PRKAR1B: variants seen among roughly 807,000 people sequenced by gnomAD.
The protein encoded by PRKAR1B is cAMP-dependent protein kinase type I-beta regulatory subunit.
PRKAR1B carries 22 observed loss-of-function variants against 46.5 expected under a neutral mutation model. That is an observed-to-expected ratio of 0.47 (90% confidence interval 0.34 to 0.68). PRKAR1B has a LOEUF of 0.68. Among genes scored for constraint, PRKAR1B ranks in the 30% least tolerant of loss-of-function variants. PRKAR1B has a pLI of 0.01. For synonymous variants in PRKAR1B, 259 were observed against 217.7 expected (o/e 1.19, Z -1.67); for missense variants, 445 against 535.6 (o/e 0.83, Z 1.67).
In PRKAR1B at chr7:560,715, T is replaced by G. The variant is rs548624318; in HGVS notation, c.892-9245A>C. On this transcript the variant is annotated intron_variant, in intron 9 of 10. Coordinates refer to ENST00000537384, the MANE Select transcript of PRKAR1B (RefSeq NM_001164760.2). The surrounding 1 kb of genome is among the most constrained non-coding windows in gnomAD (Gnocchi z 4.2). ...AGCCTCAGCTGCCTCATCTGTTATA[T>G]GGGACAACGCCAACCAATGCTACAG... is the stretch of plus-strand genomic sequence containing the variant. Among the ~76,000 whole-genome samples the G allele has an allele frequency of 6.6e-6, 1 of 152,324 alleles. No individual in the cohort carries two copies. Among genetic ancestry groups the G allele is most frequent in the East Asian group, 1.9e-4 (1 of 5,184 alleles).
chr7:554,538 A>G (rs1333307587), intron 9 of PRKAR1B, among the ~76,000 whole-genome samples: 2 of 152,218 alleles, frequency 1.3e-5, no homozygotes, highest in Non-Finnish European at 2.9e-5. Flanking sequence ...ATAGCAGAAA[A>G]CCCAAATTGA....
chr7:656,112 G>A (rs573089037), intron 4 of PRKAR1B, among the ~76,000 whole-genome samples: 35 of 152,342 alleles, frequency 2.3e-4, no homozygotes, highest in Admixed American at 1.3e-4. Flanking sequence ...ACTGGGCACA[G>A]AGGAGATCCA....
At chr7:583,485 A>C (rs976401962) in intron 8 of PRKAR1B, among the ~76,000 whole-genome samples, 2 of 125,192 alleles carry the variant, frequency 1.6e-5, no homozygotes, top group Non-Finnish European at 3.6e-5. Context: ...ACCCACGCAC[A>C]CACGTGTGTG....
intron 4 of PRKAR1B, among the ~76,000 whole-genome samples, chr7:625,995 C>G (rs1337718324): frequency 1.0e-5 from 1 of 96,620 alleles, no homozygotes; most frequent in Admixed American, 1.4e-4. Context: ...GTGACAAGAG[C>G]AAAACTCCAT....
intron 1 of PRKAR1B, among the ~76,000 whole-genome samples, chr7:716,033 AT>A (rs373770395): frequency 0.24 from 34,080 of 144,746 alleles, 4,102 homozygotes; most frequent in South Asian, 0.46. Flanking sequence ...TTCTTTATAT[AT>A]TTTTTTTTTT....
chr7:620,073 C>T lies in PRKAR1B; in HGVS notation c.441-12621G>A, dbSNP rs1487400330. Among the ~76,000 whole-genome samples, 3 of 149,034 alleles carry T rather than the reference C, an allele frequency of 2.0e-5. No individual in the cohort carries two copies. In the Admixed American group the frequency reaches 2.0e-4, roughly 10 times the overall value. On this transcript the variant is annotated intron_variant, in intron 4 of 10. Transcript: ENST00000537384. ...TTCTCTGTGTTGCCCAGGCTGGTCT[C>T]AAACTCCTGGGCTCAAACAATCCTC...
rs376613548 is a variant in PRKAR1B at position 660,327 on chromosome 7, G to A, written c.440+16902C>T. ...GCCTGCTGCCTCTCGACACCTCCCC[G>A]GGTGCCACAGGCCCCGCTCCAACGG... On this transcript the variant is annotated intron_variant, in intron 4 of 10. Transcript: ENST00000537384. 1.2e-3 allele frequency among the ~76,000 whole-genome samples: 186 copies of A among 151,928 alleles called. 1 individual carries two copies. The highest frequency in any genetic ancestry group is 0.012 in the East Asian group (61 of 5,162).
chr7:555,244 C>T (rs1381277249), intron 9 of PRKAR1B, among the ~76,000 whole-genome samples: 4 of 152,212 alleles, frequency 2.6e-5, no homozygotes, highest in African/African-American at 4.8e-5. Flanking sequence ...GGGATTCTGC[C>T]GGCAAGGAAG....
chr7:654,536 C>A (rs935675528), intron 4 of PRKAR1B, among the ~76,000 whole-genome samples: 1 of 150,008 alleles, frequency 6.7e-6, no homozygotes, highest in African/African-American at 2.5e-5. Context: ...CATCACCATC[C>A]TTATCACCTT....
At chr7:633,496 G>A (rs1375658241) in intron 4 of PRKAR1B, among the ~76,000 whole-genome samples, 1 of 152,172 alleles carries the variant, frequency 6.6e-6, no homozygotes, top group Non-Finnish European at 1.5e-5. Context: ...GGGCATGGTG[G>A]CTTACACCTG....
At chr7:599,132 G>A (rs1238013134) in intron 6 of PRKAR1B, among the ~76,000 whole-genome samples, 2 of 152,180 alleles carry the variant, frequency 1.3e-5, no homozygotes, top group East Asian at 1.9e-4. Flanking sequence ...GCCATTGTGC[G>A]GGTCCCACAG....
At position 598,816 on chromosome 7, in the gene PRKAR1B, T is replaced by C. The variant is rs185141292; in HGVS notation, c.550-2512A>G. Among the ~76,000 whole-genome samples, 530 of 152,136 alleles carry C rather than the reference T, an allele frequency of 3.5e-3. 3 individuals are homozygous for C. Among genetic ancestry groups the C allele is most frequent in the African/African-American group, 0.012 (505 of 41,478 alleles). Reference sequence around the variant, plus strand: ...AACATCTTGTGCCCAAGGAGGTGAGTGAGCCTCTTGGCCCCTTCAGGGAAT... The same window carrying C: ...AACATCTTGTGCCCAAGGAGGTGAGCGAGCCTCTTGGCCCCTTCAGGGAAT... On this transcript the variant is annotated intron_variant, in intron 6 of 10. Coordinates refer to ENST00000537384, the MANE Select transcript of PRKAR1B (RefSeq NM_001164760.2).
At chr7:572,685 C>T (rs1176771729) in intron 9 of PRKAR1B, among the ~76,000 whole-genome samples, 1 of 152,206 alleles carries the variant, frequency 6.6e-6, no homozygotes, top group East Asian at 1.9e-4. Flanking sequence ...GCAGACTGGG[C>T]CAGCCCTCAC....
intron 4 of PRKAR1B, among the ~76,000 whole-genome samples, chr7:628,012 G>C (rs1235219557): frequency 6.6e-6 from 1 of 151,706 alleles, no homozygotes; most frequent in Admixed American, 6.6e-5. Flanking sequence ...ACAGGCCGAG[G>C]CCTCATCACA....
intron 4 of PRKAR1B, among the ~76,000 whole-genome samples, chr7:611,848 T>C (rs1782513987): frequency 7.0e-6 from 1 of 143,228 alleles, no homozygotes; most frequent in Non-Finnish European, 1.5e-5. Flanking sequence ...GATGGACAAA[T>C]GGGTGAGTAG....
chr7:660,075 T>G (rs997609628), intron 4 of PRKAR1B, among the ~76,000 whole-genome samples: 4 of 151,808 alleles, frequency 2.6e-5, no homozygotes, highest in African/African-American at 9.7e-5. Context: ...CGCCTTGGGC[T>G]CTCCATCCCC....
chr7:573,243 A>G (rs1779625254), intron 9 of PRKAR1B, among the ~76,000 whole-genome samples: 1 of 152,208 alleles, frequency 6.6e-6, no homozygotes, highest in Non-Finnish European at 1.5e-5. Context: ...TTACAGCGCT[A>G]TGAAAGCGAT....
intron 2 of PRKAR1B, among the ~76,000 whole-genome samples, chr7:695,161 C>T (rs191294688): frequency 2.6e-5 from 4 of 152,292 alleles, no homozygotes; most frequent in Non-Finnish European, 4.4e-5. Flanking sequence ...GACGACCGCT[C>T]AGCTACTCAC....
At chr7:616,249 C>T (rs1413258530) in intron 4 of PRKAR1B, among the ~76,000 whole-genome samples, 1 of 152,254 alleles carries the variant, frequency 6.6e-6, no homozygotes, top group Non-Finnish European at 1.5e-5. Context: ...ACTGACAAAA[C>T]GAGGTCACTC....
Sources: gnomAD v4.1 joint callset for allele counts (sites outside exome capture counted in the v4.1 genomes callset) on GRCh38, gnomAD v4.1.1 for gene constraint, Gnocchi (gnomAD v3.1) non-coding constraint, MANE v1.5 for transcripts, NCBI Gene and HGNC (gene_info 2026-07-23, HGNC 2026-07-21) for gene names.